The following RNF212 variants were observed in gnomAD, a reference collection of about 807,000 sequenced individuals.
The protein encoded by RNF212 is probable E3 SUMO-protein ligase RNF212.
A neutral mutation model predicts 34.7 loss-of-function variants in RNF212; 33 were observed. The observed-to-expected ratio is 0.95, with a 90% CI of 0.72 to 1.27. RNF212 has a LOEUF of 1.27. Among genes scored for constraint, RNF212 ranks in the 50% most tolerant of loss-of-function variants. The pLI is 0.00. For synonymous variants in RNF212, 140 were observed against 136.1 expected, an observed-to-expected ratio of 1.03 and a Z score of -0.20; for missense variants, 377 against 362.2, an observed-to-expected ratio of 1.04 and a Z score of -0.33.
intron 2 of RNF212, among the ~76,000 whole-genome samples, chr4:1,108,079 A>G (rs531973260): frequency 6.6e-6 from 1 of 152,370 alleles, no homozygotes; most frequent in East Asian, 1.9e-4. Context: ...ATTGTGCTGC[A>G]GAAATCTATT....
At chr4:1,063,167 A>G (rs1441608292) in intron 3 of RNF212, among the ~76,000 whole-genome samples, 2 of 152,238 alleles carry the variant, frequency 1.3e-5, no homozygotes, top group African/African-American at 4.8e-5. Context: ...AACTCTACCG[A>G]GATTTCAACC....
Position 1,082,383 on chromosome 4 carries a change from C to T in RNF212, c.363-764G>A, listed in dbSNP as rs1720495135. ...AGATGCACACGTAAGACTGGGGGAG[C>T]GTGTCTGTTTCTGTGGACACACTGA... is the stretch of plus-strand genomic sequence containing the variant. On this transcript the variant is annotated intron_variant, in intron 5 of 9. Coordinates refer to ENST00000433731, the MANE Select transcript of RNF212 (RefSeq NM_001131034.4). Among the ~76,000 whole-genome samples the T allele has an allele frequency of 2.0e-5, 3 of 152,238 alleles. No individual in the cohort carries two copies. In the South Asian group the frequency reaches 6.2e-4, roughly 32 times the overall value.
intron 2 of RNF212, 128 bp from the exon 3 acceptor site, chr4:1,096,967 G>T (rs1163978411): frequency 2.7e-6 from 2 of 731,800 alleles, no homozygotes; most frequent in Non-Finnish European, 4.9e-6. Flanking sequence ...ATTGTGAATG[G>T]CCTCTCAGGG....
intron 3 of RNF212, among the ~76,000 whole-genome samples, chr4:1,066,254 C>T (rs752839215): frequency 1.7e-4 from 26 of 152,148 alleles, no homozygotes; most frequent in Non-Finnish European, 3.1e-4. Context: ...ATTTCTCTAA[C>T]GATGAACGAT....
chr4:1,075,460 C>T (rs898353637), intron 8 of RNF212, among the ~76,000 whole-genome samples: 1 of 152,132 alleles, frequency 6.6e-6, no homozygotes, highest in Non-Finnish European at 1.5e-5. Context: ...GGCGAGCAGG[C>T]AAGAGACTGG....
intron 2 of RNF212, among the ~76,000 whole-genome samples, chr4:1,103,747 G>T (rs1359937665): frequency 6.6e-6 from 1 of 152,034 alleles, no homozygotes; most frequent in Non-Finnish European, 1.5e-5. Flanking sequence ...GATTAAAAAA[G>T]AAACCTTAGC....
At chr4:1,078,927 CCAACACAGGGT>C (rs1374825944) in intron 8 of RNF212, among the ~76,000 whole-genome samples, 6 of 150,682 alleles carry the variant, frequency 4.0e-5, no homozygotes, top group African/African-American at 9.8e-5. Flanking sequence ...CAACACGGGA[CCAACACAGGGT>C]CAACACAGGA....
intron 3 of RNF212, among the ~76,000 whole-genome samples, chr4:1,059,353 C>A (rs1340495597): frequency 6.6e-6 from 1 of 152,356 alleles, no homozygotes; most frequent in East Asian, 1.9e-4. Context: ...AGCTGTCTTA[C>A]TAGGCTGTGT....
chr4:1,069,360 G>A (rs1027139638), downstream of RNF212, among the ~76,000 whole-genome samples: 13 of 152,200 alleles, frequency 8.5e-5, no homozygotes, highest in African/African-American at 2.9e-4. Flanking sequence ...ACTGCTATGA[G>A]GCAGTCATTA....
intron 2 of RNF212, among the ~76,000 whole-genome samples, chr4:1,104,175 A>T (rs1414440028): frequency 6.6e-6 from 1 of 152,252 alleles, no homozygotes; most frequent in Non-Finnish European, 1.5e-5. Context: ...CTCCCTAAAG[A>T]ACAGTAAGTC....
intron 3 of RNF212, among the ~76,000 whole-genome samples, chr4:1,058,760 C>A (rs1402632050): frequency 2.6e-5 from 4 of 152,218 alleles, no homozygotes; most frequent in Admixed American, 2.6e-4. Context: ...TTCAGCCTCA[C>A]TGAGGGGCCC....
intron 4 of RNF212, among the ~76,000 whole-genome samples, chr4:1,057,383 G>A (rs1279511000): frequency 6.6e-6 from 1 of 152,176 alleles, no homozygotes; most frequent in Non-Finnish European, 1.5e-5. Flanking sequence ...ACACGAGTTC[G>A]GTTGACAGAG....
intron 5 of RNF212, chr4:1,082,031 G>A (rs1183267652): frequency 4.2e-6 from 1 of 238,400 alleles, no homozygotes. Flanking sequence ...CGGGAGGATT[G>A]GTTGAGCCCA....
intron 8 of RNF212, among the ~76,000 whole-genome samples, chr4:1,075,627 C>T (rs534635568): frequency 5.9e-5 from 9 of 152,334 alleles, no homozygotes; most frequent in South Asian, 2.1e-4. Flanking sequence ...ACATGAGATT[C>T]GGGCAGGGAC....
At chr4:1,083,945 A>ATTT (rs376424627) in intron 5 of RNF212, among the ~76,000 whole-genome samples, 23,071 of 134,426 alleles carry the variant, frequency 0.17, 2,139 homozygotes, top group East Asian at 0.29. Flanking sequence ...CATTTTGTGC[A>ATTT]TTTTTTTTTT....
chr4:1,056,885 G>T (rs61746178), intron 4 of RNF212: 50 of 987,898 alleles, frequency 5.1e-5, no homozygotes, highest in Middle Eastern at 2.8e-4. Context: ...GGGCGGCCGG[G>T]GGGGCAGCCT....
At chr4:1,093,427 T>C (rs1220229264) in intron 3 of RNF212, 1 of 1,428,272 alleles carries the variant, frequency 7.0e-7, no homozygotes, top group Non-Finnish European at 9.1e-7. Context: ...AATGTTACAA[T>C]ACCACCTCAC....
downstream of RNF212, among the ~76,000 whole-genome samples, chr4:1,069,566 C>A (rs1235806711): frequency 6.6e-6 from 1 of 152,126 alleles, no homozygotes; most frequent in Non-Finnish European, 1.5e-5. Context: ...TGAACATCCT[C>A]CTGGAGGAAT....
chr4:1,056,668 A>G (rs1191673123), intron 4 of RNF212, among the ~76,000 whole-genome samples: 1 of 152,284 alleles, frequency 6.6e-6, no homozygotes, highest in Non-Finnish European at 1.5e-5. Context: ...CAATGAATAT[A>G]AAAGTGAACA....
Sources: gnomAD v4.1 joint callset for allele counts (sites outside exome capture counted in the v4.1 genomes callset) on GRCh38, gnomAD v4.1.1 for gene constraint, MANE v1.5 for transcripts, NCBI Gene and HGNC (gene_info 2026-07-23, HGNC 2026-07-21) for gene names.